RALGPS1: variants seen among roughly 807,000 people sequenced by gnomAD.
RALGPS1 encodes the protein Ral GEF with PH domain and SH3 binding motif 1.
Under a neutral mutation model 78.8 loss-of-function variants are expected in RALGPS1, and 19 were observed. The ratio of observed to expected loss-of-function variants is 0.24; its 90% CI spans 0.17 to 0.35. The LOEUF (loss-of-function observed/expected upper bound fraction) is 0.35. Among genes scored for constraint, RALGPS1 ranks in the 10% least tolerant of loss-of-function variants. The pLI, the probability that RALGPS1 is intolerant of heterozygous loss-of-function variation, is 1.00. For missense variants in RALGPS1, 454 were observed against 688.3 expected (o/e 0.66, Z 3.81); for synonymous variants, 228 against 256.3 (o/e 0.89, Z 1.06).
intron 8 of RALGPS1, among the ~76,000 whole-genome samples, chr9:127,078,264 A>C (rs980469556): frequency 1.6e-4 from 24 of 152,202 alleles, no homozygotes; most frequent in African/African-American, 5.3e-4. Flanking sequence ...AGAAGGGAAG[A>C]GATTGCCTTT....
intron 8 of RALGPS1, chr9:127,108,576 G>C (rs750317653): frequency 1.9e-6 from 3 of 1,613,556 alleles, no homozygotes; most frequent in Non-Finnish European, 2.5e-6. Flanking sequence ...AGGTGCACTT[G>C]TCCTGGGACT....
chr9:127,217,240 G>A, intron 18 of RALGPS1: 2 of 1,208,364 alleles, frequency 1.7e-6, no homozygotes, highest in Non-Finnish European at 2.1e-6. Flanking sequence ...CTGGAGGAGG[G>A]GATTTTTCTT....
At chr9:127,142,724 G>T (rs1288888093) in intron 8 of RALGPS1, among the ~76,000 whole-genome samples, 1 of 152,076 alleles carries the variant, frequency 6.6e-6, no homozygotes, top group Non-Finnish European at 1.5e-5. Flanking sequence ...TAATTGCCTG[G>T]CATTTTGAGA....
At chr9:126,915,293 A>T (rs1371952646) in intron 1 of RALGPS1, among the ~76,000 whole-genome samples, 2 of 45,636 alleles carry the variant, frequency 4.4e-5, no homozygotes, top group Non-Finnish European at 8.5e-5. Flanking sequence ...CCGGGGGGGC[A>T]GTTGGGCGGG....
In RALGPS1 at chr9:127,168,865, C is replaced by T. The variant is rs573866816; in HGVS notation, c.842+93C>T. ...GCAAGTGGCCTAGCCCTTGTTGGGACCAGTGAGTAGCCACCTGCAGGGCTT... is the reference window on the plus strand; with the variant it reads ...GCAAGTGGCCTAGCCCTTGTTGGGATCAGTGAGTAGCCACCTGCAGGGCTT... On this transcript the variant is annotated intron_variant, in intron 10 of 18. Coordinates refer to ENST00000259351, the MANE Select transcript of RALGPS1 (RefSeq NM_014636.3). The T allele has an allele frequency of 1.5e-5, 15 of 1,013,516 alleles. No homozygotes were observed. The South Asian group carries it at 2.1e-4, about 14-fold the overall frequency. The allele number at this position is 1,013,516 out of a possible 1,614,324, so 62.8% of individuals were successfully genotyped here.
chr9:127,017,258 G>A (rs1443663742), intron 4 of RALGPS1, among the ~76,000 whole-genome samples: 1 of 152,130 alleles, frequency 6.6e-6, no homozygotes, highest in African/African-American at 2.4e-5. Flanking sequence ...TAGGTGATAC[G>A]GCATAGCCTC....
At chr9:127,210,906 C>T (rs1010190046) in intron 14 of RALGPS1, 36 of 767,318 alleles carry the variant, frequency 4.7e-5, no homozygotes, top group Non-Finnish European at 6.8e-5. Flanking sequence ...AGTCTACTGC[C>T]AGGTGCACTG....
chr9:127,152,073 ATC>A (rs1326883115), intron 8 of RALGPS1, among the ~76,000 whole-genome samples: 2 of 151,890 alleles, frequency 1.3e-5, no homozygotes, highest in African/African-American at 4.8e-5. Context: ...TATCTCATGC[ATC>A]TCTCTTTCCA....
At chr9:126,942,718 C>T (rs1436706958) in intron 1 of RALGPS1, among the ~76,000 whole-genome samples, 1 of 152,142 alleles carries the variant, frequency 6.6e-6, no homozygotes, top group Non-Finnish European at 1.5e-5. Context: ...TGTTGAGTTC[C>T]AAAATGAATC....
rs915479891 is a variant in RALGPS1 at position 127,151,076 on chromosome 9, C to G, written c.611-14993C>G. Among the ~76,000 whole-genome samples, 5 of 151,980 alleles carry G rather than the reference C, an allele frequency of 3.3e-5. No homozygotes were observed. In the East Asian group the frequency reaches 9.7e-4, roughly 29 times the overall value. On this transcript the variant is annotated intron_variant, in intron 8 of 18. Transcript: ENST00000259351. The stretch of plus-strand genomic sequence containing the variant: ...GCACACGCCTGTAGTCCCAGCTACT[C>G]GGGAAGCTAAGGCAGGGGAATTGCT...
At chr9:126,966,013 C>T (rs2039452976) in intron 3 of RALGPS1, 62 bp downstream of exon 3, 1 of 1,239,732 alleles carries the variant, frequency 8.1e-7, no homozygotes, top group Non-Finnish European at 1.2e-6. Context: ...GAGGGAGCCA[C>T]CACTTAGGCT....
intron 1 of RALGPS1, among the ~76,000 whole-genome samples, chr9:126,956,157 C>A (rs1209542342): frequency 6.6e-6 from 1 of 152,048 alleles, no homozygotes; most frequent in African/African-American, 2.4e-5. Context: ...CCTAGGAGAA[C>A]CAGGGGGCAC....
chr9:127,108,469 T>A (rs139259586), intron 8 of RALGPS1: 2 of 1,612,068 alleles, frequency 1.2e-6, no homozygotes, highest in Non-Finnish European at 1.7e-6. Flanking sequence ...CAGCTCTAGC[T>A]CCTGCTTATG....
intron 11 of RALGPS1, among the ~76,000 whole-genome samples, chr9:127,176,259 T>C (rs1289021677): frequency 2.0e-5 from 3 of 152,214 alleles, no homozygotes; most frequent in African/African-American, 7.2e-5. Context: ...CTTCCATATG[T>C]GGCAGGTGAC....
intron 11 of RALGPS1, chr9:127,177,771 C>G: frequency 6.6e-7 from 1 of 1,524,476 alleles, no homozygotes; most frequent in South Asian, 1.2e-5. Flanking sequence ...TCCTGGCCTC[C>G]TTTGACCCCT....
chr9:127,088,813 G>A lies in RALGPS1; in HGVS notation c.610+19457G>A, dbSNP rs1202622199. On this transcript the variant is annotated intron_variant, in intron 8 of 18. Coordinates refer to ENST00000259351, the MANE Select transcript of RALGPS1 (RefSeq NM_014636.3). ...TCCGCTGCAGTGACTTCGGAAAACAGAATCCAGCATCCCGGTCCTCCCAGC... is the reference window on the plus strand; with the variant it reads ...TCCGCTGCAGTGACTTCGGAAAACAAAATCCAGCATCCCGGTCCTCCCAGC... 8 of 1,125,750 alleles carry A rather than the reference G, an allele frequency of 7.1e-6. No individual in the cohort carries two copies. The South Asian group carries it at 8.7e-5, about 12-fold the overall frequency. 69.7% of individuals were successfully genotyped at this position (1,125,750 alleles called of 1,614,324 possible). A position where few individuals can be genotyped will look rare whatever the true frequency, so the allele number is the denominator to read the frequency against.
At chr9:127,171,715 C>T (rs929459051) in intron 10 of RALGPS1, among the ~76,000 whole-genome samples, 4 of 152,084 alleles carry the variant, frequency 2.6e-5, no homozygotes, top group Admixed American at 6.5e-5. Flanking sequence ...GCTGAGATTG[C>T]GCCACTGCAC....
intron 18 of RALGPS1, chr9:127,217,197 C>T (rs896044324): frequency 1.6e-6 from 2 of 1,231,530 alleles, no homozygotes; most frequent in Admixed American, 4.2e-5. Context: ...GGCAAGGCTA[C>T]AAGTTTTAAG....
intron 1 of RALGPS1, among the ~76,000 whole-genome samples, chr9:126,924,863 C>G (rs145066954): frequency 1.3e-5 from 2 of 152,148 alleles, no homozygotes; most frequent in African/African-American, 4.8e-5. Context: ...TGGTGGCTGA[C>G]GCCTGTAATC....
Sources: gnomAD v4.1 joint callset for allele counts (sites outside exome capture counted in the v4.1 genomes callset) on GRCh38, gnomAD v4.1.1 for gene constraint, MANE v1.5 for transcripts, NCBI Gene and HGNC (gene_info 2026-07-23, HGNC 2026-07-21) for gene names.